The following PLCH1 variants were observed in gnomAD, a reference collection of about 807,000 sequenced individuals.
The protein encoded by PLCH1 is 1-phosphatidylinositol 4,5-bisphosphate phosphodiesterase eta-1.
In PLCH1, 60 loss-of-function variants were observed where a neutral mutation model predicts 126.7. The ratio of observed to expected loss-of-function variants is 0.47; its 90% CI spans 0.38 to 0.59. The LOEUF is 0.59. Ranked by LOEUF, PLCH1 falls within the 20% of genes least tolerant of loss-of-function variation. The probability of loss-of-function intolerance (pLI) is 0.00; values close to 1 mark genes in which losing one functional copy is unlikely to be tolerated. For synonymous variants in PLCH1, 719 were observed against 734.9 expected (o/e 0.98, Z 0.35); for missense variants, 1,723 against 2,040.0 (o/e 0.84, Z 2.99).
At chr3:155,550,115 A>T (rs1366775401) in intron 9 of PLCH1, among the ~76,000 whole-genome samples, 157 bp from the exon 10 acceptor site, 1 of 152,244 alleles carries the variant, frequency 6.6e-6, no homozygotes, top group Non-Finnish European at 1.5e-5. Flanking sequence ...AAAGATTAGA[A>T]ATGCATTTAA....
intron 6 of PLCH1, 71 bp downstream of exon 6, chr3:155,583,401 A>T: frequency 1.6e-6 from 2 of 1,267,306 alleles, no homozygotes; most frequent in Non-Finnish European, 2.2e-6. Flanking sequence ...ACCTATATTT[A>T]ACCCCAAAAG....
At chr3:155,616,874 A>G (rs72998923) in intron 2 of PLCH1, among the ~76,000 whole-genome samples, 2,658 of 152,276 alleles carry the variant, frequency 0.017, 79 homozygotes, top group African/African-American at 0.06. Flanking sequence ...TTGATATGTG[A>G]CAAACTTTCC....
chr3:155,452,584 A>G (rs1196664406), intron 21 of PLCH1, among the ~76,000 whole-genome samples: 1 of 152,170 alleles, frequency 6.6e-6, no homozygotes, highest in Non-Finnish European at 1.5e-5. Context: ...AAGTGGAGAT[A>G]TTTAGGGTAC....
intron 1 of PLCH1, among the ~76,000 whole-genome samples, chr3:155,720,701 G>A (rs926433033): frequency 1.3e-5 from 2 of 152,062 alleles, no homozygotes; most frequent in South Asian, 4.1e-4. Flanking sequence ...TATTTCTTTT[G>A]CTGTGCAGAA....
chr3:155,729,084 T>C (rs558309460), intron 1 of PLCH1, among the ~76,000 whole-genome samples: 66 of 152,364 alleles, frequency 4.3e-4, no homozygotes, highest in African/African-American at 1.3e-3. Context: ...TTTCAGAATA[T>C]GTCTGCTCAC....
intron 2 of PLCH1, among the ~76,000 whole-genome samples, chr3:155,667,173 C>T (rs1033884108): frequency 3.3e-5 from 5 of 152,078 alleles, no homozygotes; most frequent in African/African-American, 2.4e-5. Context: ...TAGCCAAAAG[C>T]TCAGCCACTA....
chr3:155,464,246 C>G (rs1305267705), intron 21 of PLCH1, among the ~76,000 whole-genome samples: 1 of 152,178 alleles, frequency 6.6e-6, no homozygotes, highest in African/African-American at 2.4e-5. Context: ...AAAGGGCAAT[C>G]TAAGGCAGAG....
chr3:155,560,595 T>C (rs912160939), intron 8 of PLCH1, among the ~76,000 whole-genome samples: 4 of 152,210 alleles, frequency 2.6e-5, no homozygotes, highest in African/African-American at 7.2e-5. Context: ...TTTAAGCATG[T>C]TGATTTACCT....
intron 2 of PLCH1, among the ~76,000 whole-genome samples, chr3:155,672,347 C>G (rs953159701): frequency 2.1e-4 from 32 of 152,142 alleles, no homozygotes; most frequent in African/African-American, 6.8e-4. Context: ...CTTGCCCTCA[C>G]AGATAATTCA....
intron 21 of PLCH1, among the ~76,000 whole-genome samples, chr3:155,470,088 C>T (rs951867405): frequency 8.9e-4 from 136 of 152,134 alleles, no homozygotes; most frequent in Non-Finnish European, 1.4e-3. Flanking sequence ...ATGACTTTGA[C>T]GAGCTGAGAG....
chr3:155,538,313 T>C, intron 10 of PLCH1, among the ~76,000 whole-genome samples: 1 of 151,882 alleles, frequency 6.6e-6, no homozygotes, highest in Non-Finnish European at 1.5e-5. Flanking sequence ...GACAAACAGA[T>C]AATCTTAGGT....
intron 9 of PLCH1, among the ~76,000 whole-genome samples, chr3:155,551,920 G>C (rs1726197944): frequency 6.6e-6 from 1 of 152,148 alleles, no homozygotes; most frequent in Non-Finnish European, 1.5e-5. Context: ...TACATAGGTG[G>C]CAGGCCTTCT....
intron 10 of PLCH1, among the ~76,000 whole-genome samples, chr3:155,536,701 C>T (rs1723402386): frequency 6.6e-6 from 1 of 152,030 alleles, no homozygotes; most frequent in Non-Finnish European, 1.5e-5. Flanking sequence ...CCTAAGAATA[C>T]TTGGTGTTCC....
chr3:155,512,044 T>C (rs1019836715), intron 12 of PLCH1, among the ~76,000 whole-genome samples: 1 of 150,768 alleles, frequency 6.6e-6, no homozygotes, highest in Non-Finnish European at 1.5e-5. Flanking sequence ...GTGTGGGATA[T>C]AGTCTCGTGG....
intron 6 of PLCH1, among the ~76,000 whole-genome samples, chr3:155,574,715 T>C (rs946280618): frequency 6.6e-6 from 1 of 152,218 alleles, no homozygotes; most frequent in Non-Finnish European, 1.5e-5. Context: ...ACCACACATT[T>C]CACAGCATTT....
At chr3:155,709,986 G>A (rs958638980) in intron 1 of PLCH1, among the ~76,000 whole-genome samples, 1 of 151,980 alleles carries the variant, frequency 6.6e-6, no homozygotes, top group African/African-American at 2.4e-5. Context: ...TGGTTGGTTG[G>A]TTGGTTTCAT....
chr3:155,467,086 G>C (rs1281306934), intron 21 of PLCH1, among the ~76,000 whole-genome samples: 1 of 151,962 alleles, frequency 6.6e-6, no homozygotes, highest in Non-Finnish European at 1.5e-5. Flanking sequence ...TTATTCAAAG[G>C]CATAAAAACA....
At chr3:155,660,475 C>T (rs1447507167) in intron 2 of PLCH1, among the ~76,000 whole-genome samples, 1 of 152,234 alleles carries the variant, frequency 6.6e-6, no homozygotes, top group African/African-American at 2.4e-5. Context: ...ACCTTAGAAA[C>T]TTGCTGTGTG....
chr3:155,668,227 G>A (rs151088889), intron 2 of PLCH1, among the ~76,000 whole-genome samples: 4,684 of 152,068 alleles, frequency 0.031, 104 homozygotes, highest in Middle Eastern at 0.051. Context: ...GAACCTCATC[G>A]GGGCTTCTGC....
Sources: gnomAD v4.1 joint callset for allele counts (sites outside exome capture counted in the v4.1 genomes callset) on GRCh38, gnomAD v4.1.1 for gene constraint, MANE v1.5 for transcripts, NCBI Gene and HGNC (gene_info 2026-07-23, HGNC 2026-07-21) for gene names.